Variants in CCDC171 observed in about 807,000 individuals in gnomAD.
CCDC171 encodes the protein coiled-coil domain containing 171, also known as coiled-coil domain-containing protein 171.
Under a neutral mutation model 168.2 loss-of-function variants are expected in CCDC171, and 177 were observed. That is an observed-to-expected ratio of 1.05 (90% CI 0.93 to 1.19). CCDC171 has a LOEUF of 1.19. Ranked by LOEUF, CCDC171 falls within the 50% of genes most tolerant of loss-of-function variation. The pLI is 0.00. For missense variants in CCDC171, 1,991 were observed against 1,539.0 expected (o/e 1.29, Z -4.91); for synonymous variants, 687 against 540.8 (o/e 1.27, Z -3.75).
At chr9:15,592,282 T>A (rs567544628) in intron 5 of CCDC171, among the ~76,000 whole-genome samples, 101 of 152,026 alleles carry the variant, frequency 6.6e-4, no homozygotes, top group African/African-American at 2.2e-3. Context: ...TATACCATGA[T>A]TGGGCCTATG....
At chr9:15,885,873 T>G (rs1029313518) in intron 24 of CCDC171, 3 of 152,126 alleles carry the variant, frequency 2.0e-5, no homozygotes, top group African/African-American at 7.2e-5. Context: ...TTGTAATAAT[T>G]CCACAGATGC....
At chr9:15,977,074 A>C (rs1024918631), downstream of CCDC171, among the ~76,000 whole-genome samples, 1 of 152,176 alleles carries the variant, frequency 6.6e-6, no homozygotes, top group African/African-American at 2.4e-5. Flanking sequence ...TAAATGTGTA[A>C]ATTTACATAT....
At chr9:15,961,006 G>A (rs576142719) in intron 25 of CCDC171, among the ~76,000 whole-genome samples, 1 of 151,976 alleles carries the variant, frequency 6.6e-6, no homozygotes, top group African/African-American at 2.4e-5. Flanking sequence ...GTGGAAGGGA[G>A]GGGCATGCAA....
intron 24 of CCDC171, among the ~76,000 whole-genome samples, chr9:15,899,482 T>A (rs1821349322): frequency 6.6e-6 from 1 of 152,226 alleles, no homozygotes; most frequent in South Asian, 2.1e-4. Context: ...TTTCTCTGCT[T>A]CCTCGCCAGC....
At chr9:15,903,557 A>G (rs1043411590) in intron 24 of CCDC171, among the ~76,000 whole-genome samples, 27 of 152,190 alleles carry the variant, frequency 1.8e-4, no homozygotes, top group Non-Finnish European at 3.7e-4. Flanking sequence ...CCAAAGGTAG[A>G]TAAAACCACA....
At chr9:15,749,571 A>G (rs569660813) in intron 18 of CCDC171, among the ~76,000 whole-genome samples, 1 of 152,214 alleles carries the variant, frequency 6.6e-6, no homozygotes, top group African/African-American at 2.4e-5. Flanking sequence ...CATAATTCGA[A>G]GTAAAACACT....
In CCDC171 at chr9:16,030,675, C is replaced by T. The variant is rs577890787; in HGVS notation, n.999-4782C>T. On this transcript the variant is annotated intron_variant and non_coding_transcript_variant, in intron 6 of 9. Transcript: ENST00000486641. ...ACACCCACAGGGAGGAAAGAGGTGA[C>T]AGAGGCTCTGGGTTTGTGACCACAG... Among the ~76,000 whole-genome samples the T allele has an allele frequency of 5.9e-5, 9 of 152,310 alleles. No homozygotes were observed. The South Asian group carries it at 1.7e-3, about 28-fold the overall frequency.
intron 20 of CCDC171, among the ~76,000 whole-genome samples, chr9:15,779,588 G>A (rs534319382): frequency 1.2e-3 from 185 of 152,264 alleles, no homozygotes; most frequent in African/African-American, 4.1e-3. Context: ...TCGAACTCCT[G>A]ACCTCAGCTG....
chr9:15,660,592 G>C (rs1004068664), intron 8 of CCDC171, among the ~76,000 whole-genome samples: 1 of 152,142 alleles, frequency 6.6e-6, no homozygotes, highest in African/African-American at 2.4e-5. Context: ...CTGTTCCTTT[G>C]TTAATTTGCT....
the CCDC171 span, among the ~76,000 whole-genome samples, chr9:16,078,643 C>T: frequency 6.6e-6 from 1 of 152,172 alleles, no homozygotes; most frequent in Non-Finnish European, 1.5e-5. Context: ...CAACTTGTGA[C>T]TGATAGATTA....
intron 21 of CCDC171, among the ~76,000 whole-genome samples, chr9:15,822,892 C>T (rs200469429): frequency 6.6e-6 from 1 of 151,976 alleles, no homozygotes; most frequent in Non-Finnish European, 1.5e-5. Context: ...ACACGTATGT[C>T]TATTGTGGCA....
chr9:15,774,735 G>A (rs1035926077), intron 18 of CCDC171, among the ~76,000 whole-genome samples: 1 of 152,232 alleles, frequency 6.6e-6, no homozygotes, highest in African/African-American at 2.4e-5. Context: ...AGTGGGTAAA[G>A]AAAATTGGTA....
intron 10 of CCDC171, among the ~76,000 whole-genome samples, chr9:15,680,136 A>G (rs1436570174): frequency 6.6e-6 from 1 of 152,202 alleles, no homozygotes; most frequent in Admixed American, 6.5e-5. Flanking sequence ...TCCCAAGAGG[A>G]TATGAATGCA....
chr9:15,662,876 G>C (rs999216023), intron 8 of CCDC171, among the ~76,000 whole-genome samples: 5 of 152,092 alleles, frequency 3.3e-5, no homozygotes, highest in African/African-American at 1.2e-4. Flanking sequence ...AGCTACTCAG[G>C]AGGCTGAGGC....
At chr9:15,899,407 G>A (rs1031092945) in intron 24 of CCDC171, among the ~76,000 whole-genome samples, 22 of 152,112 alleles carry the variant, frequency 1.4e-4, no homozygotes, top group African/African-American at 5.1e-4. Context: ...TTAAAAAACT[G>A]TCAAACTGTT....
intron 1 of CCDC171, among the ~76,000 whole-genome samples, chr9:15,554,882 A>T (rs1426690175): frequency 6.6e-6 from 1 of 152,122 alleles, no homozygotes; most frequent in Non-Finnish European, 1.5e-5. Context: ...TCTCATAGAG[A>T]TGTTGGGATT....
At chr9:15,608,978 GT>G (rs201659401) in intron 6 of CCDC171, among the ~76,000 whole-genome samples, 1 of 124,144 alleles carries the variant, frequency 8.1e-6, no homozygotes, top group African/African-American at 3.0e-5. Context: ...AAAAAGAGTG[GT>G]TTTTTTTTAA....
chr9:15,798,608 C>T (rs2058669469), intron 21 of CCDC171, among the ~76,000 whole-genome samples: 1 of 152,080 alleles, frequency 6.6e-6, no homozygotes, highest in Non-Finnish European at 1.5e-5. Context: ...CAGGAATCAG[C>T]AAAATGTGAC....
intron 23 of CCDC171, among the ~76,000 whole-genome samples, chr9:15,854,475 T>C (rs1037895346): frequency 4.0e-5 from 6 of 151,678 alleles, no homozygotes; most frequent in Non-Finnish European, 8.9e-5. Context: ...TAGTAACTTT[T>C]CTCTTGGTCA....
Sources: gnomAD v4.1 joint callset for allele counts (sites outside exome capture counted in the v4.1 genomes callset) on GRCh38, gnomAD v4.1.1 for gene constraint, MANE v1.5 for transcripts, NCBI Gene and HGNC (gene_info 2026-07-23, HGNC 2026-07-21) for gene names.